RYR1: variants seen among roughly 807,000 people sequenced by gnomAD.
RYR1 encodes ryanodine receptor 1.
RYR1 carries 342 observed loss-of-function variants against 583.5 expected under a neutral mutation model. That is an observed-to-expected ratio of 0.59 (90% CI 0.54 to 0.64). The LOEUF (loss-of-function observed/expected upper bound fraction) is 0.64, where lower values mean the gene tolerates loss of function less well. RYR1 is among the 30% of genes least tolerant of loss of function. The probability of loss-of-function intolerance (pLI) is 0.00; values close to 1 mark genes in which losing one functional copy is unlikely to be tolerated. For synonymous variants in RYR1, 2,791 were observed against 2,822.5 expected (o/e 0.99, Z 0.35); for missense variants, 6,032 against 6,917.2 (o/e 0.87, Z 4.54).
chr19:38,454,572 G>A (rs1475017236), intron 13 of RYR1, among the ~76,000 whole-genome samples: 1 of 152,150 alleles, frequency 6.6e-6, no homozygotes, highest in African/African-American at 2.4e-5. Flanking sequence ...TAAAAAACAA[G>A]GTTATGTAAT....
chr19:38,445,318 C>T (rs962408592), intron 7 of RYR1, among the ~76,000 whole-genome samples: 6 of 150,546 alleles, frequency 4.0e-5, no homozygotes, highest in African/African-American at 1.5e-4. Context: ...CAAATTCAAA[C>T]CTCAGATCCC....
intron 20 of RYR1, 91 bp downstream of exon 20, chr19:38,460,682 C>A: frequency 7.9e-7 from 1 of 1,272,062 alleles, no homozygotes; most frequent in South Asian, 1.2e-5. Context: ...GCCTGTAATC[C>A]CAGCACTTTG....
At chr19:38,463,941 A>C in intron 22 of RYR1, 91 bp downstream of exon 22, 2 of 964,970 alleles carry the variant, frequency 2.1e-6, no homozygotes. Flanking sequence ...GTAGAGACTG[A>C]GAGAGAGAAG....
chr19:38,481,247 C>T (rs1968994851), intron 31 of RYR1, among the ~76,000 whole-genome samples: 1 of 152,112 alleles, frequency 6.6e-6, no homozygotes, highest in Non-Finnish European at 1.5e-5. Context: ...CCACCTCAGC[C>T]TCCCAAGTGG....
At chr19:38,442,610 A>G (rs1445947251) in intron 3 of RYR1, among the ~76,000 whole-genome samples, 157 bp downstream of exon 3, 1 of 151,962 alleles carries the variant, frequency 6.6e-6, no homozygotes, top group Non-Finnish European at 1.5e-5. Context: ...CAGGCCCTCA[A>G]TTTGGATAAG....
Position 38,587,557 on chromosome 19 carries a change from C to T in RYR1, c.*137C>T. On this transcript the variant is annotated 3_prime_UTR_variant, in exon 106 of 106. Transcript: ENST00000359596. Reference sequence around the variant, plus strand: ...CTGGAAAATAAATCTGTGCTACGCCCCCCAGCATCACTGTGTTGGCCTGCT... The same window carrying T: ...CTGGAAAATAAATCTGTGCTACGCCTCCCAGCATCACTGTGTTGGCCTGCT... 1 of 775,476 alleles carries T rather than the reference C, an allele frequency of 1.3e-6. No individual in the cohort carries two copies. Among genetic ancestry groups the T allele is most frequent in the Non-Finnish European group, 2.2e-6 (1 of 447,424 alleles). The allele number at this position is 775,476 out of a possible 1,614,324, so 48.0% of individuals were successfully genotyped here. A position where few individuals can be genotyped will look rare whatever the true frequency, so the allele number is the denominator to read the frequency against.
rs80205661 is a variant in RYR1 at position 38,537,105 on chromosome 19, G to A, written c.11608+338G>A. 398 of 445,120 alleles carry A rather than the reference G, an allele frequency of 8.9e-4. 5 individuals are homozygous for A. In the East Asian group the frequency reaches 0.017, roughly 19 times the overall value. The allele number at this position is 445,120 out of a possible 1,614,324, so 27.6% of individuals were successfully genotyped here. A position where few individuals can be genotyped will look rare whatever the true frequency, so the allele number is the denominator to read the frequency against. On this transcript the variant is annotated intron_variant, in intron 83 of 105. Coordinates refer to ENST00000359596, the MANE Select transcript of RYR1 (RefSeq NM_000540.3). Reference sequence around the variant, plus strand: ...TTCCAGACCCAGATTCGCAGTCCCGGTGTGGAGTGATCCCCACTCCCACCT... The same window carrying A: ...TTCCAGACCCAGATTCGCAGTCCCGATGTGGAGTGATCCCCACTCCCACCT...
chr19:38,579,582 C>G (rs1251714745), intron 99 of RYR1, among the ~76,000 whole-genome samples: 1 of 146,836 alleles, frequency 6.8e-6, no homozygotes, highest in Non-Finnish European at 1.5e-5. Flanking sequence ...AAGTGTGAAA[C>G]TCCATCTCAA....
At chr19:38,443,451 T>A (rs1972788654) in intron 3 of RYR1, 107 bp from the exon 4 acceptor site, 1 of 971,168 alleles carries the variant, frequency 1.0e-6, no homozygotes, top group Non-Finnish European at 1.6e-6. Flanking sequence ...GGCCTGAGCA[T>A]GGTATTTTAC....
At chr19:38,473,876 C>T (rs953452261) in intron 28 of RYR1, 105 bp downstream of exon 28, 13 of 797,430 alleles carry the variant, frequency 1.6e-5, no homozygotes, top group African/African-American at 1.2e-4. Context: ...AAAGTAGACC[C>T]ATATATGCTA....
At chr19:38,585,148 T>C (rs1339910138) in intron 102 of RYR1, 49 bp downstream of exon 102, 1 of 1,596,334 alleles carries the variant, frequency 6.3e-7, no homozygotes. Flanking sequence ...GCTAGCTCCA[T>C]GGCTAAGAAT....
At position 38,504,374 on chromosome 19, in the gene RYR1, G is replaced by A; in HGVS notation, c.8067+14G>A. Reference sequence around the variant, plus strand: ...CTGGCCCATAAGGTCTGGGCAGCAGGGAGCCCCAAAATGGCCTATGTGGAG... The same window carrying A: ...CTGGCCCATAAGGTCTGGGCAGCAGAGAGCCCCAAAATGGCCTATGTGGAG... On this transcript the variant is annotated intron_variant, in intron 50 of 105. Transcript: ENST00000359596. 6.2e-7 allele frequency: 1 copy of A among 1,612,306 alleles called. No individual in the cohort carries two copies.
intron 11 of RYR1, 122 bp downstream of exon 11, chr19:38,448,935 TG>T: frequency 2.0e-6 from 2 of 981,294 alleles, no homozygotes; most frequent in Non-Finnish European, 3.1e-6. Flanking sequence ...CAGAGTGAGA[TG>T]GGGTGCAGGA....
intron 9 of RYR1, 45 bp downstream of exon 9, chr19:38,446,813 A>G: frequency 6.6e-7 from 1 of 1,514,670 alleles, no homozygotes; most frequent in Admixed American, 1.7e-5. Flanking sequence ...GGCTGGGGTC[A>G]CCTGGCAGGC....
chr19:38,568,781 C>T (rs150016072), intron 93 of RYR1, among the ~76,000 whole-genome samples: 11 of 84,676 alleles, frequency 1.3e-4, no homozygotes, highest in Non-Finnish European at 1.7e-4. Flanking sequence ...GGCGGGGGGG[C>T]GGTGAGGGAA....
At chr19:38,487,801 G>C (rs73030958) in intron 34 of RYR1, among the ~76,000 whole-genome samples, 2 of 151,954 alleles carry the variant, frequency 1.3e-5, no homozygotes, top group African/African-American at 4.8e-5. Context: ...GCCCAGGTAA[G>C]TTTTAAATTT....
At position 38,567,931 on chromosome 19, in the gene RYR1, C is replaced by G. The variant is rs1973521933; in HGVS notation, c.13659+14C>G. 1 of 1,612,790 alleles carries G rather than the reference C, an allele frequency of 6.2e-7. No individual in the cohort carries two copies. Among genetic ancestry groups the G allele is most frequent in the South Asian group, 1.1e-5 (1 of 91,006 alleles). ...GTGAAGTTCCTGGTAAGGATCCAGC[C>G]AGGTCACCTGAACCTTCTTCTCCCC... On this transcript the variant is annotated intron_variant, in intron 93 of 105. Transcript: ENST00000359596.
chr19:38,557,847 G>A (rs968314745), intron 89 of RYR1, among the ~76,000 whole-genome samples: 6 of 152,016 alleles, frequency 3.9e-5, no homozygotes, highest in African/African-American at 1.4e-4. Context: ...AGGCATGGTG[G>A]TGCATGCCTG....
At chr19:38,558,095 G>GC (rs1426001951) in intron 89 of RYR1, among the ~76,000 whole-genome samples, 2 of 152,032 alleles carry the variant, frequency 1.3e-5, no homozygotes, top group African/African-American at 4.8e-5. Flanking sequence ...GATCGCTTGA[G>GC]CCCAGGAGTT....
Sources: allele counts gnomAD v4.1 joint callset (sites outside exome capture counted in the v4.1 genomes callset), GRCh38; gene constraint gnomAD v4.1.1; transcripts MANE v1.5; gene names NCBI Gene and HGNC (gene_info 2026-07-23, HGNC 2026-07-21).